POSTN: variants seen among roughly 807,000 people sequenced by gnomAD.
POSTN encodes the protein periostin.
In POSTN, 71 loss-of-function variants were observed where a neutral mutation model predicts 104.5. The observed-to-expected ratio is 0.68, with a 90% confidence interval of 0.56 to 0.83. The LOEUF (loss-of-function observed/expected upper bound fraction) is 0.83. POSTN is among the 40% of genes least tolerant of loss of function. The pLI is 0.00. For synonymous variants in POSTN, 355 were observed against 340.7 expected (o/e 1.04, Z -0.46); for missense variants, 949 against 1,006.8 (o/e 0.94, Z 0.78).
intron 17 of POSTN, among the ~76,000 whole-genome samples, chr13:37,571,957 G>A (rs1444423914): frequency 6.6e-6 from 1 of 151,504 alleles, no homozygotes; most frequent in Non-Finnish European, 1.5e-5. Context: ...AGTACCAAAT[G>A]TATACCTACC....
intron 21 of POSTN, among the ~76,000 whole-genome samples, chr13:37,567,988 T>A (rs2138158247): frequency 6.8e-6 from 1 of 146,464 alleles, no homozygotes; most frequent in South Asian, 2.2e-4. Context: ...ACAAAGCTGC[T>A]TACTATGGCA....
chr13:37,568,151 G>A lies in POSTN; in HGVS notation c.2431+1149C>T, dbSNP rs187303833. On this transcript the variant is annotated intron_variant, in intron 21 of 22. Coordinates refer to ENST00000379747, the MANE Select transcript of POSTN (RefSeq NM_006475.3). ...AGATCCTACAGGAATCTTTGGTTCC[G>A]TTATGGCTCTGTTGTGCTATGTACT... Among the ~76,000 whole-genome samples, 181 of 152,066 alleles carry A rather than the reference G, an allele frequency of 1.2e-3. 2 individuals carry two copies. The highest frequency in any genetic ancestry group is 3.5e-3 in the African/African-American group (147 of 41,512).
chr13:37,583,867 C>A, intron 9 of POSTN, 102 bp downstream of exon 9: 2 of 1,406,098 alleles, frequency 1.4e-6, no homozygotes, highest in South Asian at 1.5e-5. Flanking sequence ...AGAAACTAAT[C>A]AACACCTCCT....
intron 12 of POSTN, 133 bp from the exon 13 acceptor site, chr13:37,579,492 A>G: frequency 1.3e-6 from 1 of 766,198 alleles, no homozygotes; most frequent in Non-Finnish European, 2.0e-6. Flanking sequence ...TCTCAAGTAG[A>G]TATCGATGCT....
At position 37,590,491 on chromosome 13, in the gene POSTN, C is replaced by T. The variant is rs771376752; in HGVS notation, c.322G>A (p.Val108Met). Residue 108 changes from valine (V) to methionine (M), a missense_variant, in exon 4 of 23, where the codon GTG becomes ATG. Coordinates refer to ENST00000379747, the MANE Select transcript of POSTN (RefSeq NM_006475.3). ...IDHVYGTLGI[V>M]GATTTQRYSD... is the part of the protein sequence containing the mutation. ...TAGCGCTGCGTTGTGGTGGCTCCCA[C>T]GATGCCCAGAGTGCCATAAACATGG... 6 of 1,612,564 alleles carry T rather than the reference C, an allele frequency of 3.7e-6. No homozygotes were observed. The highest frequency in any genetic ancestry group is 2.2e-5 in the South Asian group (2 of 90,920).
At chr13:37,575,209 A>C (rs2048369920) in intron 16 of POSTN, among the ~76,000 whole-genome samples, 1 of 152,056 alleles carries the variant, frequency 6.6e-6, no homozygotes, top group Non-Finnish European at 1.5e-5. Flanking sequence ...CTATTCAACA[A>C]ACATGATATG....
At chr13:37,578,020 AT>A (rs200287408) in intron 15 of POSTN, among the ~76,000 whole-genome samples, 3,844 of 152,240 alleles carry the variant, frequency 0.025, 78 homozygotes, top group Middle Eastern at 0.041. Flanking sequence ...TTATATAATA[AT>A]TAATCCAAAG....
chr13:37,577,932 A>G, intron 15 of POSTN, 134 bp from the exon 16 acceptor site: 2 of 1,420,792 alleles, frequency 1.4e-6, no homozygotes, highest in Non-Finnish European at 1.9e-6. Context: ...AAGTCCTCAT[A>G]TAAATCATCT....
At position 37,581,013 on chromosome 13, in the gene POSTN, C is replaced by T. The variant is rs138631066; in HGVS notation, c.1393-316G>A. Among the ~76,000 whole-genome samples, 433 of 152,228 alleles carry T rather than the reference C, an allele frequency of 2.8e-3. 1 individual carries two copies. Among genetic ancestry groups the T allele is most frequent in the African/African-American group, 1.0e-2 (414 of 41,540 alleles). On this transcript the variant is annotated intron_variant, in intron 10 of 22. Coordinates refer to ENST00000379747, the MANE Select transcript of POSTN (RefSeq NM_006475.3). ...ATTTCTATTCAGATTTGAACTATTT[C>T]TCTAGACCCTCTTTTGGCCAACACT...
chr13:37,589,878 C>T (rs949746600), intron 4 of POSTN, among the ~76,000 whole-genome samples: 1 of 151,998 alleles, frequency 6.6e-6, no homozygotes, highest in Non-Finnish European at 1.5e-5. Flanking sequence ...GTCTGAAAAT[C>T]AAATGTATTT....
intron 2 of POSTN, among the ~76,000 whole-genome samples, chr13:37,595,485 T>A (rs986897772): frequency 1.3e-5 from 2 of 152,174 alleles, no homozygotes; most frequent in African/African-American, 4.8e-5. Flanking sequence ...GTCAGCAAAG[T>A]CCTCTGGTGC....
chr13:37,564,184 A>C (rs56151252), intron 22 of POSTN, among the ~76,000 whole-genome samples: 1 of 54,356 alleles, frequency 1.8e-5, no homozygotes, highest in Non-Finnish European at 3.5e-5. Context: ...AACATTACAT[A>C]TATATATATA....
At chr13:37,571,213 C>G (rs1950253277) in intron 18 of POSTN, 156 bp downstream of exon 18, 1 of 525,354 alleles carries the variant, frequency 1.9e-6, no homozygotes. Context: ...TATTTCTGAC[C>G]AGCTAATAAG....
intron 2 of POSTN, 117 bp from the exon 3 acceptor site, chr13:37,592,281 G>GT (rs67303425): frequency 0.1 from 65,362 of 635,748 alleles, 4,197 homozygotes; most frequent in Non-Finnish European, 0.13. Context: ...TAAAAATCAG[G>GT]TTTTTTTTCC....
intron 4 of POSTN, among the ~76,000 whole-genome samples, chr13:37,589,720 A>T (rs1232180927): frequency 6.6e-6 from 1 of 152,164 alleles, no homozygotes; most frequent in East Asian, 1.9e-4. Flanking sequence ...ATATATACCT[A>T]CATTTTATTA....
At position 37,597,149 on chromosome 13, in the gene POSTN, G is replaced by A. The variant is rs780429950; in HGVS notation, c.218+35C>T. ...CATATACATCATGATGTTGTTTTTGGAACTGACATATTATGAAAAAAAAAA... is the reference window on the plus strand; with the variant it reads ...CATATACATCATGATGTTGTTTTTGAAACTGACATATTATGAAAAAAAAAA... On this transcript the variant is annotated intron_variant, in intron 2 of 22. Transcript: ENST00000379747. 1.1e-5 allele frequency: 16 copies of A among 1,396,882 alleles called. No homozygotes were observed. In the East Asian group the frequency reaches 4.0e-4, roughly 35 times the overall value. 86.5% of individuals were successfully genotyped at this position (1,396,882 alleles called of 1,614,324 possible).
chr13:37,566,184 A>G (rs918507967), intron 21 of POSTN, among the ~76,000 whole-genome samples: 2 of 152,206 alleles, frequency 1.3e-5, no homozygotes, highest in East Asian at 3.8e-4. Flanking sequence ...TGCTATGTCA[A>G]CATGAATGAG....
chr13:37,570,850 G>A, intron 18 of POSTN, 181 bp from the exon 19 acceptor site: 1 of 510,098 alleles, frequency 2.0e-6, no homozygotes, highest in Non-Finnish European at 3.5e-6. Flanking sequence ...AAAGGTAATA[G>A]CTATGTCCTG....
chr13:37,591,667 G>C (rs181923114), intron 3 of POSTN, among the ~76,000 whole-genome samples: 530 of 152,222 alleles, frequency 3.5e-3, no homozygotes, highest in African/African-American at 0.012. Flanking sequence ...CCATTTCAAA[G>C]AGGAAATAGA....
Sources: allele counts gnomAD v4.1 joint callset (sites outside exome capture counted in the v4.1 genomes callset), GRCh38; gene constraint gnomAD v4.1.1; transcripts MANE v1.5; gene names NCBI Gene and HGNC (gene_info 2026-07-23, HGNC 2026-07-21).